BTBD9: variants seen among roughly 807,000 people sequenced by gnomAD.
The protein encoded by BTBD9 is BTB/POZ domain-containing protein 9.
In BTBD9, 49 loss-of-function variants were observed where a neutral mutation model predicts 64.3. The ratio of observed to expected loss-of-function variants is 0.76; its 90% CI spans 0.61 to 0.97. The LOEUF is 0.97. Among genes scored for constraint, BTBD9 ranks in the 50% least tolerant of loss-of-function variants. The pLI, the probability that BTBD9 is intolerant of heterozygous loss-of-function variation, is 0.00. For missense variants in BTBD9, 598 were observed against 762.1 expected (o/e 0.78, Z 2.53); for synonymous variants, 260 against 274.7 (o/e 0.95, Z 0.53).
At chr6:38,554,802 T>C (rs1049012183) in intron 6 of BTBD9, among the ~76,000 whole-genome samples, 2 of 152,114 alleles carry the variant, frequency 1.3e-5, no homozygotes, top group African/African-American at 2.4e-5. Context: ...GAAGCTTGGC[T>C]GTAGTGAAAG....
chr6:38,549,747 ACAT>A (rs1774710482), intron 6 of BTBD9, among the ~76,000 whole-genome samples: 1 of 152,150 alleles, frequency 6.6e-6, no homozygotes, highest in Non-Finnish European at 1.5e-5. Flanking sequence ...AGTTGTCTAT[ACAT>A]GCTGTTCCCA....
chr6:38,536,275 G>C (rs549616470), intron 6 of BTBD9, among the ~76,000 whole-genome samples: 1 of 151,906 alleles, frequency 6.6e-6, no homozygotes, highest in Non-Finnish European at 1.5e-5. Context: ...CTGAAATGAG[G>C]TATCATCTCA....
Position 38,169,692 on chromosome 6 carries a change from G to C in BTBD9, c.*5293C>G, listed in dbSNP as rs987529655. ...TGACAGCCTTGGGGAGGCTGAGGGG[G>C]CTCTGTCAACCAGGGGACACTAGTG... On this transcript the variant is annotated 3_prime_UTR_variant, in exon 11 of 11. Transcript: ENST00000481247. 6.6e-6 allele frequency: 1 copy of C among 152,286 alleles called. No individual in the cohort carries two copies. The highest frequency in any genetic ancestry group is 1.5e-5 in the Non-Finnish European group (1 of 68,126). 9.4% of individuals were successfully genotyped at this position (152,286 alleles called of 1,614,324 possible).
At chr6:38,204,190 G>A (rs1164046536) in intron 9 of BTBD9, among the ~76,000 whole-genome samples, 1 of 152,118 alleles carries the variant, frequency 6.6e-6, no homozygotes, top group African/African-American at 2.4e-5. Flanking sequence ...AAATAGAGAG[G>A]TGTGATATGA....
chr6:38,384,058 T>C (rs1037445704), intron 6 of BTBD9, among the ~76,000 whole-genome samples: 6 of 152,174 alleles, frequency 3.9e-5, no homozygotes, highest in African/African-American at 1.4e-4. Flanking sequence ...GGGAAAACCT[T>C]AAGCCTCACT....
intron 7 of BTBD9, among the ~76,000 whole-genome samples, chr6:38,293,974 GAA>G (rs1232076763): frequency 6.6e-5 from 10 of 151,100 alleles, no homozygotes; most frequent in Admixed American, 2.0e-4. Flanking sequence ...AAATTTACAA[GAA>G]AAAAAACAAA....
intron 6 of BTBD9, among the ~76,000 whole-genome samples, chr6:38,554,057 G>T (rs1774919958): frequency 6.6e-6 from 1 of 152,036 alleles, no homozygotes; most frequent in Admixed American, 6.5e-5. Context: ...AAACCATATG[G>T]TATTGAATAT....
At chr6:38,430,598 C>A (rs562853013) in intron 6 of BTBD9, among the ~76,000 whole-genome samples, 1 of 151,892 alleles carries the variant, frequency 6.6e-6, no homozygotes, top group Non-Finnish European at 1.5e-5. Context: ...TCATTGCAGC[C>A]TTGAACTTCT....
chr6:38,537,837 T>G (rs1391896359), intron 6 of BTBD9, among the ~76,000 whole-genome samples: 1 of 152,120 alleles, frequency 6.6e-6, no homozygotes, highest in African/African-American at 2.4e-5. Flanking sequence ...TGAGTGGTAG[T>G]GATGTATAAC....
chr6:38,589,241 A>G (rs1311039838), intron 4 of BTBD9, among the ~76,000 whole-genome samples: 1 of 152,172 alleles, frequency 6.6e-6, no homozygotes, highest in Non-Finnish European at 1.5e-5. Flanking sequence ...TTCGCAACTC[A>G]TCTCCTGAGT....
At chr6:38,479,331 T>G (rs1041195781) in intron 6 of BTBD9, among the ~76,000 whole-genome samples, 4 of 152,052 alleles carry the variant, frequency 2.6e-5, no homozygotes, top group African/African-American at 9.7e-5. Context: ...GTTTATCTGA[T>G]AATCCACACA....
intron 6 of BTBD9, among the ~76,000 whole-genome samples, chr6:38,534,959 CATG>C (rs764441320): frequency 1.9e-4 from 29 of 152,080 alleles, no homozygotes; most frequent in Non-Finnish European, 3.2e-4. Context: ...AGATCTGGAA[CATG>C]ATAAGGATGC....
intron 6 of BTBD9, among the ~76,000 whole-genome samples, chr6:38,576,700 C>A (rs1294112069): frequency 6.6e-6 from 1 of 152,118 alleles, no homozygotes; most frequent in Non-Finnish European, 1.5e-5. Context: ...TCACCATATC[C>A]CTTCCCTTTT....
At chr6:38,585,938 CCACACACACACACACACACA>C (rs10660204) in intron 4 of BTBD9, among the ~76,000 whole-genome samples, 3 of 140,860 alleles carry the variant, frequency 2.1e-5, no homozygotes, top group East Asian at 4.2e-4. Flanking sequence ...ACAGGACAGA[CCACACACACACACACACACA>C]CACACACACA....
chr6:38,329,950 T>C (rs548481558), intron 7 of BTBD9, among the ~76,000 whole-genome samples: 2 of 151,396 alleles, frequency 1.3e-5, no homozygotes, highest in African/African-American at 4.8e-5. Context: ...CAAAATTCCA[T>C]CTCAAAAAAA....
At chr6:38,424,673 C>T (rs937239912) in intron 6 of BTBD9, among the ~76,000 whole-genome samples, 13 of 151,584 alleles carry the variant, frequency 8.6e-5, no homozygotes, top group East Asian at 7.8e-4. Flanking sequence ...CACACCACCA[C>T]GCCGGGCTTA....
At chr6:38,543,819 T>C (rs1774402283) in intron 6 of BTBD9, among the ~76,000 whole-genome samples, 4 of 151,840 alleles carry the variant, frequency 2.6e-5, no homozygotes. Flanking sequence ...TAGCCGGGCG[T>C]GTTGGCGGGC....
chr6:38,374,643 GT>G (rs1765612097), intron 6 of BTBD9, among the ~76,000 whole-genome samples: 2 of 151,894 alleles, frequency 1.3e-5, no homozygotes, highest in Admixed American at 6.6e-5. Context: ...GGGAAAAAAA[GT>G]TCTGCATACA....
intron 6 of BTBD9, among the ~76,000 whole-genome samples, chr6:38,463,099 C>T (rs924822804): frequency 2.0e-5 from 3 of 152,162 alleles, no homozygotes; most frequent in Non-Finnish European, 2.9e-5. Flanking sequence ...CCTGGCCTTG[C>T]ACATCTTTTA....
Sources: allele counts gnomAD v4.1 joint callset (sites outside exome capture counted in the v4.1 genomes callset), GRCh38; gene constraint gnomAD v4.1.1; transcripts MANE v1.5; gene names NCBI Gene and HGNC (gene_info 2026-07-23, HGNC 2026-07-21).